Variants in KCNN1 observed in about 807,000 individuals in gnomAD.
The protein encoded by KCNN1 is small conductance calcium-activated potassium channel protein 1.
A neutral mutation model predicts 44.7 loss-of-function variants in KCNN1; 20 were observed. That is an observed-to-expected ratio of 0.45 (90% CI 0.32 to 0.65). The LOEUF (loss-of-function observed/expected upper bound fraction) is 0.65, where lower values mean the gene tolerates loss of function less well. KCNN1 is among the 30% of genes least tolerant of loss of function. The pLI is 0.05. For synonymous variants in KCNN1, 324 were observed against 341.7 expected, an observed-to-expected ratio of 0.95 and a Z score of 0.57; for missense variants, 632 against 785.3, an observed-to-expected ratio of 0.80 and a Z score of 2.33.
At chr19:17,958,416 T>C (rs2031594713) in intron 2 of KCNN1, among the ~76,000 whole-genome samples, 1 of 151,006 alleles carries the variant, frequency 6.6e-6, no homozygotes, top group Non-Finnish European at 1.5e-5. Context: ...AGATCGAGGC[T>C]GCAGTGAGCT....
chr19:17,996,663 C>G (rs1383895722), intron 9 of KCNN1, among the ~76,000 whole-genome samples: 1 of 152,142 alleles, frequency 6.6e-6, no homozygotes, highest in Non-Finnish European at 1.5e-5. Flanking sequence ...AAAGAACCAC[C>G]TGAAGGCTGG....
In KCNN1 at chr19:17,998,472, T is replaced by TGTACAGTG; in HGVS notation, c.*68_*75dup. On this transcript the variant is annotated 3_prime_UTR_variant, in exon 10 of 10. Transcript: ENST00000684775. This position sits in a 1 kb window ranked among gnomAD's most constrained non-coding sequence, Gnocchi z 5.4. ...TGTGGCCGCCACCTCCGGGAAGCCTTGTACAGTGGCGCCTCTTGGAGTTCA... is the reference window on the plus strand; with the variant it reads ...TGTGGCCGCCACCTCCGGGAAGCCTTGTACAGTGGTACAGTGGCGCCTCTTGGAGTTCA... The TGTACAGTG allele has an allele frequency of 7.2e-7, 1 of 1,397,900 alleles. No individual in the cohort carries two copies. Among genetic ancestry groups the TGTACAGTG allele is most frequent in the Non-Finnish European group, 9.4e-7 (1 of 1,066,148 alleles). 86.6% of individuals were successfully genotyped at this position (1,397,900 alleles called of 1,614,324 possible). A position where few individuals can be genotyped will look rare whatever the true frequency, so the allele number is the denominator to read the frequency against.
intron 9 of KCNN1, among the ~76,000 whole-genome samples, chr19:17,997,634 C>T (rs1391342946): frequency 2.0e-5 from 3 of 152,176 alleles, no homozygotes; most frequent in Non-Finnish European, 4.4e-5. Flanking sequence ...TGCCCGCTAC[C>T]ACATCCGGCT....
intron 1 of KCNN1, among the ~76,000 whole-genome samples, chr19:17,968,616 T>C (rs2031904090): frequency 6.6e-6 from 1 of 151,944 alleles, no homozygotes; most frequent in East Asian, 1.9e-4. Flanking sequence ...TCCTGTTGGG[T>C]GGGGAATCTA....
At chr19:17,985,509 C>T in intron 5 of KCNN1, 56 bp downstream of exon 5, 1 of 1,477,648 alleles carries the variant, frequency 6.8e-7, no homozygotes, top group Non-Finnish European at 9.1e-7. Flanking sequence ...CTGCCCGCTC[C>T]ACCAGCCCTT....
In KCNN1 at chr19:17,998,137, C is replaced by T; in HGVS notation, c.1378-15C>T. The T allele has an allele frequency of 1.3e-6, 2 of 1,571,258 alleles. No homozygotes were observed. The highest frequency in any genetic ancestry group is 1.2e-5 in the South Asian group (1 of 85,662). ...TCAGCGGCGCCTCTCTCCTGCCCCT[C>T]TCTGTCTCCCGCAGACCCAGACCGT... On this transcript the variant is annotated splice_polypyrimidine_tract_variant and intron_variant, in intron 9 of 9. Coordinates refer to ENST00000684775, the MANE Select transcript of KCNN1 (RefSeq NM_001386974.1). The surrounding 1 kb of genome is among the most constrained non-coding windows in gnomAD (Gnocchi z 5.4).
intron 3 of KCNN1, 69 bp from the exon 4 acceptor site, chr19:17,981,640 C>T (rs758214480): frequency 2.4e-5 from 34 of 1,410,404 alleles, no homozygotes; most frequent in African/African-American, 2.9e-5. Context: ...TCTGGGGGCG[C>T]GGTGGGGCTG....
Position 17,998,389 on chromosome 19 carries a change from C to G in KCNN1, c.1615C>G (p.Pro539Ala), listed in dbSNP as rs995673708. ...CCCCTGCCGGTGGACGCCCGTGGCC[C>G]CCTCGGACTGCGGGTGACGGCCCTG... is the stretch of plus-strand genomic sequence containing the variant. ...SSPCRWTPVA[P>A]SDCG The change falls in exon 10 of 10, where the codon CCC becomes GCC. Residue 539 changes from proline to alanine, a missense_variant. Transcript: ENST00000684775. This position sits in a 1 kb window ranked among gnomAD's most constrained non-coding sequence, Gnocchi z 5.4. 1.3e-6 allele frequency: 2 copies of G among 1,484,096 alleles called. No homozygotes were observed. Among genetic ancestry groups the G allele is most frequent in the African/African-American group, 2.8e-5 (2 of 71,554 alleles). 91.9% of individuals were successfully genotyped at this position (1,484,096 alleles called of 1,614,324 possible).
intron 9 of KCNN1, among the ~76,000 whole-genome samples, chr19:17,995,839 G>C (rs1460269265): frequency 6.6e-6 from 1 of 152,038 alleles, no homozygotes. Flanking sequence ...ACCTGCCTTG[G>C]CCTCCCAAAG....
intron 1 of KCNN1, among the ~76,000 whole-genome samples, chr19:17,969,132 A>G (rs543896716): frequency 6.6e-6 from 1 of 152,046 alleles, no homozygotes; most frequent in Non-Finnish European, 1.5e-5. Flanking sequence ...TGTTAGGCCC[A>G]GATTGCAGTG....
chr19:17,955,575 A>G (rs1339582024), intron 2 of KCNN1, among the ~76,000 whole-genome samples: 1 of 149,282 alleles, frequency 6.7e-6, no homozygotes, highest in East Asian at 1.9e-4. Flanking sequence ...AAAAAAAAAA[A>G]AAAAGAAAGA....
At chr19:17,984,180 G>A (rs2032518122) in intron 4 of KCNN1, among the ~76,000 whole-genome samples, 2 of 151,116 alleles carry the variant, frequency 1.3e-5, no homozygotes, top group African/African-American at 2.4e-5. Flanking sequence ...AAAAAAGATA[G>A]GGTCAGTCCC....
chr19:17,969,971 G>C (rs887654781), intron 1 of KCNN1, among the ~76,000 whole-genome samples: 2 of 152,246 alleles, frequency 1.3e-5, no homozygotes, highest in African/African-American at 4.8e-5. Context: ...GCCCACCTAA[G>C]TATTTGTGAG....
chr19:17,980,862 C>T (rs941943815), intron 3 of KCNN1, among the ~76,000 whole-genome samples: 2 of 151,926 alleles, frequency 1.3e-5, no homozygotes, highest in Non-Finnish European at 2.9e-5. Flanking sequence ...GCTGTGATTG[C>T]ACCACTGCAC....
At chr19:17,990,628 G>A (rs1337156253) in intron 7 of KCNN1, among the ~76,000 whole-genome samples, 3 of 150,814 alleles carry the variant, frequency 2.0e-5, no homozygotes, top group African/African-American at 4.9e-5. Context: ...GTGAAACCTC[G>A]TCTCTACTAA....
At chr19:17,962,127 T>C (rs78560445), upstream of KCNN1, among the ~76,000 whole-genome samples, 5,979 of 152,256 alleles carry the variant, frequency 0.039, 399 homozygotes, top group African/African-American at 0.13. Flanking sequence ...CCTTCTAGCC[T>C]GAGCGTGAGG....
chr19:17,951,735 A>G (rs945459005), intron 1 of KCNN1, among the ~76,000 whole-genome samples: 1 of 152,154 alleles, frequency 6.6e-6, no homozygotes, highest in African/African-American at 2.4e-5. Context: ...AGCCCGGTCA[A>G]CGTCGCCAGC....
At chr19:17,990,799 C>CA (rs1252211442) in intron 7 of KCNN1, among the ~76,000 whole-genome samples, 5,599 of 54,196 alleles carry the variant, frequency 0.1, 234 homozygotes, top group African/African-American at 0.16. Context: ...GACTCTGTCT[C>CA]AAAAAAAAAA....
chr19:17,994,573 T>C (rs770623436), intron 9 of KCNN1, among the ~76,000 whole-genome samples: 4 of 152,154 alleles, frequency 2.6e-5, no homozygotes, highest in Non-Finnish European at 5.9e-5. Flanking sequence ...AGACAGAGTC[T>C]TGCTCTGTCA....
Sources: gnomAD v4.1 joint callset for allele counts (sites outside exome capture counted in the v4.1 genomes callset) on GRCh38, gnomAD v4.1.1 for gene constraint, Gnocchi (gnomAD v3.1) non-coding constraint, MANE v1.5 for transcripts, NCBI Gene and HGNC (gene_info 2026-07-23, HGNC 2026-07-21) for gene names.